Variants in ADCY8 observed in about 807,000 individuals in gnomAD.
ADCY8 encodes the protein adenylate cyclase 8.
ADCY8 carries 51 observed loss-of-function variants against 119.7 expected under a neutral mutation model. The ratio of observed to expected loss-of-function variants is 0.43; its 90% CI spans 0.34 to 0.54. ADCY8 has a LOEUF of 0.54. ADCY8 is among the 20% of genes least tolerant of loss of function. ADCY8 has a pLI of 0.03. For missense variants in ADCY8, 1,383 were observed against 1,598.8 expected, an observed-to-expected ratio of 0.87 and a Z score of 2.30; for synonymous variants, 665 against 651.0, an observed-to-expected ratio of 1.02 and a Z score of -0.33.
chr8:130,809,923 G>A lies in ADCY8; in HGVS notation c.2913+4146C>T, dbSNP rs190987351. On this transcript the variant is annotated intron_variant, in intron 14 of 17. Coordinates refer to ENST00000286355, the MANE Select transcript of ADCY8 (RefSeq NM_001115.3). Reference sequence around the variant, plus strand: ...AGAAGTTATCTGGCTTTGCCAGCTGGAGGCTGTACATTCGGTTCCTCTTTG... The same window carrying A: ...AGAAGTTATCTGGCTTTGCCAGCTGAAGGCTGTACATTCGGTTCCTCTTTG... Among the ~76,000 whole-genome samples the A allele has an allele frequency of 4.6e-5, 7 of 152,344 alleles. No individual in the cohort carries two copies. In the East Asian group the frequency reaches 1.4e-3, roughly 29 times the overall value.
intron 3 of ADCY8, among the ~76,000 whole-genome samples, chr8:130,950,284 G>T (rs899127264): frequency 3.3e-5 from 5 of 152,208 alleles, no homozygotes; most frequent in Non-Finnish European, 7.3e-5. Context: ...GGCACTTAAA[G>T]AAAATGACTG....
At chr8:130,961,508 G>A (rs1163271848) in intron 2 of ADCY8, among the ~76,000 whole-genome samples, 1 of 151,906 alleles carries the variant, frequency 6.6e-6, no homozygotes, top group African/African-American at 2.4e-5. Flanking sequence ...GTTGTTCACA[G>A]CTCCGAATCA....
intron 12 of ADCY8, among the ~76,000 whole-genome samples, chr8:130,835,061 C>T (rs761743756): frequency 3.9e-5 from 6 of 152,122 alleles, no homozygotes; most frequent in Non-Finnish European, 8.8e-5. Flanking sequence ...ATTATTAGTT[C>T]TGGGCATATT....
intron 1 of ADCY8, among the ~76,000 whole-genome samples, chr8:131,004,016 C>G (rs569229555): frequency 9.9e-5 from 15 of 152,144 alleles, no homozygotes; most frequent in African/African-American, 3.6e-4. Context: ...CTTGTTGAGC[C>G]TTTCCTCCCC....
chr8:130,917,994 C>G (rs2130572878), intron 5 of ADCY8, among the ~76,000 whole-genome samples: 1 of 152,254 alleles, frequency 6.6e-6, no homozygotes, highest in Middle Eastern at 3.4e-3. Context: ...ATTCAAAACC[C>G]CAAACATTCT....
intron 2 of ADCY8, among the ~76,000 whole-genome samples, 175 bp from the exon 3 acceptor site, chr8:130,952,173 T>A (rs550828653): frequency 6.6e-6 from 1 of 152,320 alleles, no homozygotes; most frequent in South Asian, 2.1e-4. Flanking sequence ...TGCCAGGCAC[T>A]CTGCTGGTGT....
At chr8:130,911,601 A>T (rs1269987177) in intron 5 of ADCY8, among the ~76,000 whole-genome samples, 7 of 94,274 alleles carry the variant, frequency 7.4e-5, no homozygotes, top group Admixed American at 3.6e-4. Flanking sequence ...TAATTAATTT[A>T]AAATTTTAAA....
Position 131,040,005 on chromosome 8 carries a change from G to A in ADCY8, c.329C>T (p.Pro110Leu), listed in dbSNP as rs375176511. 2 of 1,563,356 alleles carry A rather than the reference G, an allele frequency of 1.3e-6. No individual in the cohort carries two copies. The highest frequency in any genetic ancestry group is 2.7e-5 in the African/African-American group (2 of 73,918). ...GGCACTGCCGCTCCCGCTGCGTTCCGGGAAGACTTTGGTGCCGCAGGTGCT... is the reference window on the plus strand; with the variant it reads ...GGCACTGCCGCTCCCGCTGCGTTCCAGGAAGACTTTGGTGCCGCAGGTGCT... Reference protein sequence around the residue: ...AHSTCGTKVFPERSGSGSASG... With the variant: ...AHSTCGTKVFLERSGSGSASG... Residue 110 changes from proline (P) to leucine (L), a missense_variant, in exon 1 of 18, where the codon CCG becomes CTG. Pro to Leu is a moderately conservative substitution (Grantham distance 98, BLOSUM62 -3). Around this residue, in one of 2 missense-constraint regions of ADCY8, gnomAD observed 455 missense variants for 435.3 expected, o/e 1.05. Coordinates refer to ENST00000286355, the MANE Select transcript of ADCY8 (RefSeq NM_001115.3).
rs534586870 is a variant in ADCY8 at position 131,037,374 on chromosome 8, T to C, written c.960+2000A>G. Among the ~76,000 whole-genome samples the C allele has an allele frequency of 2.0e-5, 3 of 152,238 alleles. No individual in the cohort carries two copies. In the East Asian group the frequency reaches 5.8e-4, roughly 29 times the overall value. On this transcript the variant is annotated intron_variant, in intron 1 of 17. Transcript: ENST00000286355. ...GTATTTGAGTAGAATATAAAACAAATATGGAGCCAAAATTTACTTTCTGGA... is the reference window on the plus strand; with the variant it reads ...GTATTTGAGTAGAATATAAAACAAACATGGAGCCAAAATTTACTTTCTGGA...
At chr8:130,797,362 A>G (rs1337956809) in intron 15 of ADCY8, among the ~76,000 whole-genome samples, 1 of 152,262 alleles carries the variant, frequency 6.6e-6, no homozygotes, top group Non-Finnish European at 1.5e-5. Context: ...AAAGTTTAAA[A>G]TACAACAAAG....
chr8:130,977,772 C>A (rs1215899473), intron 2 of ADCY8, among the ~76,000 whole-genome samples: 1 of 152,218 alleles, frequency 6.6e-6, no homozygotes, highest in Non-Finnish European at 1.5e-5. Context: ...TAAGTGGCAG[C>A]ACCCAGATGT....
At chr8:130,998,369 G>A (rs1822844458) in intron 1 of ADCY8, among the ~76,000 whole-genome samples, 1 of 152,162 alleles carries the variant, frequency 6.6e-6, no homozygotes, top group Admixed American at 6.5e-5. Context: ...TCCAGGCACA[G>A]AAAAGTTCCA....
At chr8:131,031,971 G>A (rs188865204) in intron 1 of ADCY8, among the ~76,000 whole-genome samples, 71 of 152,162 alleles carry the variant, frequency 4.7e-4, no homozygotes, top group South Asian at 1.2e-3. Flanking sequence ...TGCATTCAGC[G>A]TGTAATCACA....
intron 11 of ADCY8, among the ~76,000 whole-genome samples, chr8:130,846,381 A>G (rs1817296486): frequency 6.6e-6 from 1 of 152,174 alleles, no homozygotes; most frequent in African/African-American, 2.4e-5. Context: ...TAAGATACAC[A>G]TATTATGATC....
At chr8:130,922,758 A>G (rs1820354510) in intron 5 of ADCY8, among the ~76,000 whole-genome samples, 1 of 152,220 alleles carries the variant, frequency 6.6e-6, no homozygotes, top group South Asian at 2.1e-4. Context: ...CCGGGCAGAT[A>G]AATTCCCTTT....
intron 1 of ADCY8, among the ~76,000 whole-genome samples, chr8:130,999,289 G>T (rs1052831693): frequency 6.6e-6 from 1 of 152,166 alleles, no homozygotes; most frequent in South Asian, 2.1e-4. Context: ...AGTCCTCTAT[G>T]AATTCTTCTG....
intron 1 of ADCY8, among the ~76,000 whole-genome samples, chr8:130,996,332 G>A (rs933209916): frequency 2.6e-5 from 4 of 151,992 alleles, no homozygotes; most frequent in Non-Finnish European, 5.9e-5. Flanking sequence ...GGACTTGAAA[G>A]ATGATTTAAA....
chr8:130,912,982 C>T (rs1409741846), intron 5 of ADCY8, among the ~76,000 whole-genome samples: 1 of 152,122 alleles, frequency 6.6e-6, no homozygotes, highest in African/African-American at 2.4e-5. Context: ...GTCATTTGTG[C>T]TATCCACAGC....
At chr8:130,829,487 G>T (rs1390128034) in intron 12 of ADCY8, among the ~76,000 whole-genome samples, 1 of 152,074 alleles carries the variant, frequency 6.6e-6, no homozygotes, top group Non-Finnish European at 1.5e-5. Context: ...TTTTATGTAA[G>T]AAAGGATCTT....
Sources: allele counts gnomAD v4.1 joint callset (sites outside exome capture counted in the v4.1 genomes callset), GRCh38; gene constraint gnomAD v4.1.1; regional missense constraint gnomAD v4.1.1; transcripts MANE v1.5; gene names NCBI Gene and HGNC (gene_info 2026-07-23, HGNC 2026-07-21).